Variants in DECR1 observed in about 807,000 individuals in gnomAD.
DECR1 encodes the protein 2,4-dienoyl-CoA reductase 1, also known as 2,4-dienoyl-CoA reductase [(3E)-enoyl-CoA-producing], mitochondrial.
A neutral mutation model predicts 38.8 loss-of-function variants in DECR1; 44 were observed. The ratio of observed to expected loss-of-function variants is 1.13; its 90% CI spans 0.89 to 1.46. DECR1 has a LOEUF of 1.46. DECR1 is among the 40% of genes most tolerant of loss of function. The probability of loss-of-function intolerance (pLI) is 0.00; values close to 1 mark genes in which losing one functional copy is unlikely to be tolerated. For synonymous variants in DECR1, 148 were observed against 135.2 expected (o/e 1.09, Z -0.66); for missense variants, 428 against 405.5 (o/e 1.06, Z -0.48).
chr8:90,039,234 A>G (rs368764169), intron 6 of DECR1, among the ~76,000 whole-genome samples: 215 of 152,264 alleles, frequency 1.4e-3, no homozygotes, highest in African/African-American at 4.8e-3. Flanking sequence ...CTCCATCTGT[A>G]TTAGTCCGTT....
intron 1 of DECR1, among the ~76,000 whole-genome samples, chr8:90,004,435 C>G (rs1030505462): frequency 6.6e-6 from 1 of 151,758 alleles, no homozygotes; most frequent in Non-Finnish European, 1.5e-5. Flanking sequence ...TTCAGCAATA[C>G]AGTTAACAAA....
At chr8:90,019,622 G>A (rs1023288828) in intron 4 of DECR1, among the ~76,000 whole-genome samples, 2 of 152,210 alleles carry the variant, frequency 1.3e-5, no homozygotes, top group African/African-American at 2.4e-5. Context: ...AACAAACATG[G>A]TGCATTGGTG....
intron 1 of DECR1, among the ~76,000 whole-genome samples, chr8:90,002,112 G>A (rs1355182659): frequency 6.6e-6 from 1 of 152,146 alleles, no homozygotes; most frequent in African/African-American, 2.4e-5. Flanking sequence ...AGTTTTCACA[G>A]TTCTGCAAGT....
Position 90,020,911 on chromosome 8 carries a change from T to G in DECR1, c.420T>G (p.Ile140Met). Reference protein sequence around the residue: ...ELIKVAGHPNIVINNAAGNFI... With the variant: ...ELIKVAGHPNMVINNAAGNFI... ...AACTTGCCTTGTTCATTTATTAGAT[T>G]GTGATAAACAATGCAGCAGGGAATT... Residue 140 changes from isoleucine (I) to methionine (M), a missense_variant and splice_region_variant, in exon 5 of 10, where the codon ATT becomes ATG. Transcript: ENST00000220764. The G allele has an allele frequency of 6.5e-7, 1 of 1,542,750 alleles. No homozygotes were observed. Among genetic ancestry groups the G allele is most frequent in the East Asian group, 2.4e-5 (1 of 42,062 alleles).
chr8:90,028,884 T>G (rs1335131363), intron 5 of DECR1, among the ~76,000 whole-genome samples: 1 of 152,134 alleles, frequency 6.6e-6, no homozygotes, highest in African/African-American at 2.4e-5. Context: ...GTAAGTGCTC[T>G]TTTATTCCCA....
chr8:90,012,454 G>A (rs377150761), intron 1 of DECR1, among the ~76,000 whole-genome samples: 34 of 152,006 alleles, frequency 2.2e-4, no homozygotes, highest in Non-Finnish European at 2.9e-4. Flanking sequence ...TGCCCGGCCT[G>A]ATGATTTAGA....
At chr8:90,046,347 G>A (rs981413126) in intron 8 of DECR1, among the ~76,000 whole-genome samples, 22 of 152,166 alleles carry the variant, frequency 1.4e-4, no homozygotes, top group Admixed American at 3.9e-4. Flanking sequence ...GACCCTAAAT[G>A]ACCTGATGGA....
chr8:90,052,522 AT>A lies in DECR1; in HGVS notation c.*627del, dbSNP rs1167905494. On this transcript the variant is annotated 3_prime_UTR_variant, in exon 10 of 10. Transcript: ENST00000220764. Reference sequence around the variant, plus strand: ...ACTTATAAATAATTATTTATGATACATTGTGATAAGTATTATTCCAGCAGTA... The same window carrying A: ...ACTTATAAATAATTATTTATGATACATGTGATAAGTATTATTCCAGCAGTA... Among the ~76,000 whole-genome samples, 1 of 152,140 alleles carries A rather than the reference AT, an allele frequency of 6.6e-6. No homozygotes were observed. Among genetic ancestry groups the A allele is most frequent in the Non-Finnish European group, 1.5e-5 (1 of 68,024 alleles).
chr8:90,031,919 T>C (rs1813505049), intron 5 of DECR1, among the ~76,000 whole-genome samples: 1 of 152,188 alleles, frequency 6.6e-6, no homozygotes, highest in Non-Finnish European at 1.5e-5. Flanking sequence ...AAAATTAAGA[T>C]ACTTTATTTC....
chr8:90,022,207 T>C lies in DECR1; in HGVS notation c.565+1151T>C, dbSNP rs74929096. ...AGGGTTGAGGGGAGGAAAGAGGGCA[T>C]GGAGCTGGCTAGGTTCCTCCCTCTG... On this transcript the variant is annotated intron_variant, in intron 5 of 9. Transcript: ENST00000220764. 5.0e-3 allele frequency among the ~76,000 whole-genome samples: 756 copies of C among 152,246 alleles called. 9 individuals are homozygous for C. Among genetic ancestry groups the C allele is most frequent in the African/African-American group, 0.017 (692 of 41,546 alleles).
chr8:90,004,954 A>G (rs553513560), intron 1 of DECR1, among the ~76,000 whole-genome samples: 1 of 152,340 alleles, frequency 6.6e-6, no homozygotes, highest in South Asian at 2.1e-4. Flanking sequence ...GTGAAGATGC[A>G]GATGTGTATT....
chr8:90,026,189 G>T (rs1586150864), intron 5 of DECR1, among the ~76,000 whole-genome samples: 2 of 151,512 alleles, frequency 1.3e-5, no homozygotes, highest in African/African-American at 2.4e-5. Context: ...ATTATCTTTT[G>T]TTGTTGTGTC....
At position 90,051,720 on chromosome 8, in the gene DECR1, A is replaced by T; in HGVS notation, c.929A>T (p.Glu310Val). ...GGAGAGGAAGTACTTATTTCAGGGGAATTCAACGACCTGAGAAAGGTAATG... is the reference window on the plus strand; with the variant it reads ...GGAGAGGAAGTACTTATTTCAGGGGTATTCAACGACCTGAGAAAGGTAATG... Reference protein sequence around the residue: ...DGGEEVLISGEFNDLRKVTKE... With the variant: ...DGGEEVLISGVFNDLRKVTKE... The change falls in exon 9 of 10, where the codon GAA (glutamate) becomes GTA (valine). Residue 310 changes from glutamate to valine, a missense_variant. Transcript: ENST00000220764. The T allele has an allele frequency of 6.2e-7, 1 of 1,613,116 alleles. No homozygotes were observed. Among genetic ancestry groups the T allele is most frequent in the Non-Finnish European group, 8.5e-7 (1 of 1,179,862 alleles).
chr8:90,046,140 G>A (rs1813894726), intron 8 of DECR1, among the ~76,000 whole-genome samples: 2 of 152,222 alleles, frequency 1.3e-5, no homozygotes, highest in East Asian at 3.8e-4. Context: ...CTCTTCCAAA[G>A]GAATGCAGCT....
intron 6 of DECR1, 189 bp downstream of exon 6, chr8:90,037,129 T>C: frequency 1.9e-6 from 1 of 521,432 alleles, no homozygotes; most frequent in South Asian, 3.0e-5. Context: ...TGTGGAACTT[T>C]CTGCAGTGAT....
intron 1 of DECR1, among the ~76,000 whole-genome samples, chr8:90,016,553 C>T (rs942683848): frequency 5.3e-5 from 8 of 151,968 alleles, no homozygotes; most frequent in Non-Finnish European, 7.4e-5. Context: ...GCAGGAGAAT[C>T]GCTTGAACCT....
chr8:90,025,365 T>C (rs1563635048), intron 5 of DECR1, among the ~76,000 whole-genome samples: 1 of 152,226 alleles, frequency 6.6e-6, no homozygotes, highest in Non-Finnish European at 1.5e-5. Context: ...CATGGAATGT[T>C]CTTCCATTTG....
intron 7 of DECR1, 30 bp from the exon 8 acceptor site, chr8:90,044,819 C>T (rs375139304): frequency 1.1e-5 from 17 of 1,585,992 alleles, no homozygotes; most frequent in African/African-American, 1.4e-5. Flanking sequence ...AAAAACCCGA[C>T]ACAACCTAAT....
chr8:90,029,066 T>A (rs1805885), intron 5 of DECR1, among the ~76,000 whole-genome samples: 6,515 of 151,868 alleles, frequency 0.043, 285 homozygotes, highest in East Asian at 0.2. Flanking sequence ...TTGTAAGTGG[T>A]CTAGTAGAGA....
Sources: gnomAD v4.1 joint callset for allele counts (sites outside exome capture counted in the v4.1 genomes callset) on GRCh38, gnomAD v4.1.1 for gene constraint, MANE v1.5 for transcripts, NCBI Gene and HGNC (gene_info 2026-07-23, HGNC 2026-07-21) for gene names.